OR3A2: variants seen among roughly 807,000 people sequenced by gnomAD.
OR3A2 encodes olfactory receptor family 3 subfamily A member 2.
For synonymous variants in OR3A2, 126 were observed against 159.3 expected, an observed-to-expected ratio of 0.79 and a Z score of 1.57; for missense variants, 318 against 392.8, an observed-to-expected ratio of 0.81 and a Z score of 1.61.
At chr17:3,325,810 G>A (rs2049166446) in intron 3 of OR3A2, among the ~76,000 whole-genome samples, 1 of 152,002 alleles carries the variant, frequency 6.6e-6, no homozygotes, top group Admixed American at 6.6e-5. Flanking sequence ...TTAAGTTCCA[G>A]GGTATACGTG....
upstream of OR3A2, among the ~76,000 whole-genome samples, chr17:3,288,322 G>A (rs904867748): frequency 6.7e-6 from 1 of 149,042 alleles, no homozygotes; most frequent in Non-Finnish European, 1.5e-5. Flanking sequence ...AATAAATACA[G>A]TTATGAGCTG....
chr17:3,366,098 A>T (rs7214617), intron 2 of OR3A2, among the ~76,000 whole-genome samples: 2,096 of 152,334 alleles, frequency 0.014, 36 homozygotes, highest in African/African-American at 0.046. Context: ...TGATGGAAGG[A>T]TTATTCAACC....
chr17:3,356,564 A>G (rs1194280471), intron 2 of OR3A2, among the ~76,000 whole-genome samples: 1 of 151,556 alleles, frequency 6.6e-6, no homozygotes, highest in African/African-American at 2.4e-5. Flanking sequence ...GAAGAAATCC[A>G]AAACACAAAC....
chr17:3,371,677 C>T (rs1350843538), intron 2 of OR3A2, among the ~76,000 whole-genome samples: 18 of 124,900 alleles, frequency 1.4e-4, no homozygotes, highest in Admixed American at 4.6e-4. Context: ...CCGGACGGGG[C>T]GGCTGGCCGG....
intron 3 of OR3A2, among the ~76,000 whole-genome samples, chr17:3,300,201 T>G (rs1371002869): frequency 6.6e-6 from 1 of 152,068 alleles, no homozygotes; most frequent in Admixed American, 6.6e-5. Context: ...TATGACTGTC[T>G]CTGCCCTCAA....
intron 2 of OR3A2, among the ~76,000 whole-genome samples, chr17:3,364,641 AC>A (rs1437816251): frequency 6.6e-6 from 1 of 152,208 alleles, no homozygotes; most frequent in African/African-American, 2.4e-5. Context: ...AGAAAAAGGA[AC>A]CCTTGTATGC....
In OR3A2 at chr17:3,350,737, G is replaced by C. The variant is rs769163702; in HGVS notation, c.-178-14611C>G. Among the ~76,000 whole-genome samples the C allele has an allele frequency of 3.0e-3, 452 of 151,330 alleles. 1 individual carries two copies. The highest frequency in any genetic ancestry group is 5.4e-3 in the Non-Finnish European group (364 of 67,822). On this transcript the variant is annotated intron_variant, in intron 2 of 4. Transcript: ENST00000573491. Reference sequence around the variant, plus strand: ...CGGGCAGAGACACAACCAAAAGAGAGAATTTTAGACCAATATCCTTGATGA... The same window carrying C: ...CGGGCAGAGACACAACCAAAAGAGACAATTTTAGACCAATATCCTTGATGA...
At chr17:3,367,505 C>G (rs754093814) in intron 2 of OR3A2, among the ~76,000 whole-genome samples, 1 of 151,514 alleles carries the variant, frequency 6.6e-6, no homozygotes, top group Non-Finnish European at 1.5e-5. Flanking sequence ...GAATAATGCT[C>G]TCCAACTCCA....
At chr17:3,297,348 C>T (rs753051482) in intron 3 of OR3A2, among the ~76,000 whole-genome samples, 2 of 152,204 alleles carry the variant, frequency 1.3e-5, no homozygotes, top group Non-Finnish European at 2.9e-5. Context: ...CTCTCATTTG[C>T]CCTTTCCCAT....
At chr17:3,342,598 G>T (rs1394826273) in intron 2 of OR3A2, among the ~76,000 whole-genome samples, 1 of 152,210 alleles carries the variant, frequency 6.6e-6, no homozygotes, top group African/African-American at 2.4e-5. Flanking sequence ...GGAGGCTGCA[G>T]AAGGGCAAAT....
intron 3 of OR3A2, among the ~76,000 whole-genome samples, chr17:3,319,044 A>G (rs940717534): frequency 6.6e-6 from 1 of 152,206 alleles, no homozygotes; most frequent in Non-Finnish European, 1.5e-5. Flanking sequence ...CATTGCTTTT[A>G]CCTGCTACAT....
intron 3 of OR3A2, chr17:3,310,473 G>T (rs1380903374): frequency 1.9e-6 from 1 of 535,546 alleles, no homozygotes; most frequent in African/African-American, 1.9e-5. Context: ...CATCCTTATG[G>T]AAACCAAACT....
chr17:3,328,831 T>G (rs1322739245), intron 3 of OR3A2, among the ~76,000 whole-genome samples: 1 of 145,554 alleles, frequency 6.9e-6, no homozygotes. Flanking sequence ...GGTTTTTGTC[T>G]TCGGCTCTGT....
intron 1 of OR3A2, among the ~76,000 whole-genome samples, chr17:3,283,832 A>T (rs562098149): frequency 6.6e-6 from 1 of 150,646 alleles, no homozygotes; most frequent in African/African-American, 2.5e-5. Flanking sequence ...AAGAACCACT[A>T]AACAGCTGTT....
At position 3,306,691 on chromosome 17, in the gene OR3A2, A is replaced by C. The variant is rs1408900202; in HGVS notation, c.-84-27538T>G. 4.0e-5 allele frequency among the ~76,000 whole-genome samples: 6 copies of C among 149,332 alleles called. 1 individual carries two copies. The highest frequency in any genetic ancestry group is 2.6e-4 in the Admixed American group (4 of 15,108). The stretch of plus-strand genomic sequence containing the variant: ...CTCTACTACTCTTCAAAAAAAAAAA[A>C]AAAACCGTAACCCCTTTTATTTTCT... On this transcript the variant is annotated intron_variant, in intron 3 of 4. Coordinates refer to the OR3A2 transcript ENST00000573491.
chr17:3,312,234 A>G (rs1204203667), intron 3 of OR3A2, among the ~76,000 whole-genome samples: 1 of 152,206 alleles, frequency 6.6e-6, no homozygotes, highest in Non-Finnish European at 1.5e-5. Context: ...TGATTGTTCA[A>G]TTGAAACATA....
intron 3 of OR3A2, among the ~76,000 whole-genome samples, chr17:3,306,038 G>C (rs2048997473): frequency 6.6e-6 from 1 of 152,196 alleles, no homozygotes; most frequent in African/African-American, 2.4e-5. Flanking sequence ...AGGAGCATTT[G>C]GTGTGCGGAA....
upstream of OR3A2, among the ~76,000 whole-genome samples, chr17:3,287,406 C>A (rs1336393979): frequency 1.3e-5 from 2 of 152,008 alleles, no homozygotes; most frequent in African/African-American, 4.8e-5. Flanking sequence ...GTCTATCCTT[C>A]CACTCTGCAT....
chr17:3,294,674 C>T (rs1327992193), intron 3 of OR3A2, among the ~76,000 whole-genome samples: 1 of 151,978 alleles, frequency 6.6e-6, no homozygotes, highest in Non-Finnish European at 1.5e-5. Flanking sequence ...AATGGATAGC[C>T]TAGTCAAAAA....
Sources: allele counts gnomAD v4.1 joint callset (sites outside exome capture counted in the v4.1 genomes callset), GRCh38; gene constraint gnomAD v4.1.1; transcripts MANE v1.5; gene names NCBI Gene and HGNC (gene_info 2026-07-23, HGNC 2026-07-21).